The following UBE2L3 variants were observed in gnomAD, a reference collection of about 807,000 sequenced individuals.
UBE2L3 encodes ubiquitin conjugating enzyme E2 L3.
In UBE2L3, 1 loss-of-function variant was observed where a neutral mutation model predicts 17.8. The ratio of observed to expected loss-of-function variants is 0.06; its 90% confidence interval spans 0.02 to 0.27. The LOEUF (loss-of-function observed/expected upper bound fraction) is 0.27, where lower values mean the gene tolerates loss of function less well. Ranked by LOEUF, UBE2L3 falls within the 10% of genes least tolerant of loss-of-function variation. The probability of loss-of-function intolerance (pLI) is 1.00; values close to 1 mark genes in which losing one functional copy is unlikely to be tolerated. For missense variants in UBE2L3, 40 were observed against 192.6 expected (o/e 0.21, Z 4.69); for synonymous variants, 44 against 68.5 (o/e 0.64, Z 1.76).
chr22:21,552,101 G>A (rs1373904119), intron 1 of UBE2L3, among the ~76,000 whole-genome samples: 1 of 149,664 alleles, frequency 6.7e-6, no homozygotes, highest in Non-Finnish European at 1.5e-5. Flanking sequence ...GCTTCAGTCT[G>A]GCTCCTCTTT....
chr22:21,566,898 C>T (rs1926658877), upstream of UBE2L3, among the ~76,000 whole-genome samples: 1 of 152,196 alleles, frequency 6.6e-6, no homozygotes, highest in Admixed American at 6.5e-5. Context: ...TGGCTCTGCT[C>T]CTAGCTGGCC....
chr22:21,595,842 A>G (rs909570730), intron 2 of UBE2L3, among the ~76,000 whole-genome samples: 1 of 151,922 alleles, frequency 6.6e-6, no homozygotes, highest in Non-Finnish European at 1.5e-5. Context: ...AACCTTCAGC[A>G]TACTTCCTCT....
chr22:21,558,313 C>T (rs1926309575), intron 1 of UBE2L3, among the ~76,000 whole-genome samples: 1 of 152,188 alleles, frequency 6.6e-6, no homozygotes, highest in Admixed American at 6.5e-5. Context: ...CTTTTCATTC[C>T]ATATCCTTTA....
intron 2 of UBE2L3, among the ~76,000 whole-genome samples, chr22:21,597,318 A>AT (rs1432592443): frequency 1.3e-5 from 2 of 151,974 alleles, no homozygotes; most frequent in Non-Finnish European, 2.9e-5. Context: ...TTTAATTTTT[A>AT]TTTTTAGAGA....
At chr22:21,602,567 G>GA (rs1928923395) in intron 2 of UBE2L3, among the ~76,000 whole-genome samples, 1 of 152,230 alleles carries the variant, frequency 6.6e-6, no homozygotes, top group Non-Finnish European at 1.5e-5. Context: ...GTTGCCATGG[G>GA]AAAGGAAGAT....
At chr22:21,589,455 AT>A (rs1266267196) in intron 1 of UBE2L3, among the ~76,000 whole-genome samples, 1 of 152,146 alleles carries the variant, frequency 6.6e-6, no homozygotes, top group East Asian at 1.9e-4. Context: ...CATGATTGGC[AT>A]TTTGGGCTAA....
At chr22:21,582,851 A>C (rs1927720647) in intron 1 of UBE2L3, among the ~76,000 whole-genome samples, 1 of 152,142 alleles carries the variant, frequency 6.6e-6, no homozygotes, top group Non-Finnish European at 1.5e-5. Context: ...TAAGCAGAGC[A>C]GGGGTTGCAC....
intron 2 of UBE2L3, among the ~76,000 whole-genome samples, chr22:21,600,559 G>T (rs1928801108): frequency 2.0e-5 from 3 of 152,136 alleles, no homozygotes. Context: ...AGCCGGGCGT[G>T]GTGGCAGGCA....
chr22:21,590,515 C>T (rs1164920513), intron 1 of UBE2L3, among the ~76,000 whole-genome samples: 1 of 152,228 alleles, frequency 6.6e-6, no homozygotes, highest in Admixed American at 6.5e-5. Context: ...ATACTTTATA[C>T]TGTTGGAGTG....
At chr22:21,576,688 C>T in intron 1 of UBE2L3, among the ~76,000 whole-genome samples, 1 of 152,086 alleles carries the variant, frequency 6.6e-6, no homozygotes. Flanking sequence ...CCCACCTCGG[C>T]CTCCCAAAAT....
At chr22:21,565,973 T>G (rs891471408), upstream of UBE2L3, among the ~76,000 whole-genome samples, 3 of 139,188 alleles carry the variant, frequency 2.2e-5, no homozygotes, top group Non-Finnish European at 4.7e-5. Context: ...GAGTACTCCT[T>G]TTTTTTTTTT....
intron 1 of UBE2L3, among the ~76,000 whole-genome samples, chr22:21,562,096 C>T (rs1222888454): frequency 6.6e-6 from 1 of 152,012 alleles, no homozygotes. Flanking sequence ...GCCCCCACAC[C>T]TCATCAAACC....
intron 1 of UBE2L3, among the ~76,000 whole-genome samples, chr22:21,578,993 A>ATTTT: frequency 6.7e-6 from 1 of 148,416 alleles, no homozygotes; most frequent in African/African-American, 2.5e-5. Context: ...TTATTTATTT[A>ATTTT]TTTATTTATT....
intron 2 of UBE2L3, among the ~76,000 whole-genome samples, chr22:21,608,725 C>A (rs1449296728): frequency 6.7e-6 from 1 of 148,986 alleles, no homozygotes; most frequent in Non-Finnish European, 1.5e-5. Flanking sequence ...GAGCCTGGCC[C>A]AGGCTAATAT....
At chr22:21,556,162 T>G (rs1180770430) in intron 1 of UBE2L3, among the ~76,000 whole-genome samples, 1 of 152,198 alleles carries the variant, frequency 6.6e-6, no homozygotes, top group African/African-American at 2.4e-5. Context: ...GCCTGGGACG[T>G]CAAGACTGAA....
rs116215846 is a variant in UBE2L3, at chr22:21,568,347, G to C, written c.27+576G>C. On this transcript the variant is annotated intron_variant, in intron 1 of 3. Coordinates refer to ENST00000342192, the MANE Select transcript of UBE2L3 (RefSeq NM_003347.4). Reference sequence around the variant, plus strand: ...GAATTGCGCTGGGTCCTAGCAAACTGTCGCCTTGTGACTGCAGAGTCACAC... The same window carrying C: ...GAATTGCGCTGGGTCCTAGCAAACTCTCGCCTTGTGACTGCAGAGTCACAC... 2.5e-3 allele frequency: 2,474 copies of C among 985,272 alleles called. 54 individuals are homozygous for C. In the African/African-American group the frequency reaches 0.039, roughly 16 times the overall value. The allele number at this position is 985,272 out of a possible 1,614,324, so 61.0% of individuals were successfully genotyped here.
intron 1 of UBE2L3, among the ~76,000 whole-genome samples, chr22:21,558,086 C>T (rs1308960391): frequency 6.6e-6 from 1 of 150,990 alleles, no homozygotes; most frequent in Admixed American, 6.6e-5. Flanking sequence ...CTCTACAACC[C>T]CAGTCTATGA....
At chr22:21,558,979 A>G (rs1926337478) in intron 1 of UBE2L3, among the ~76,000 whole-genome samples, 1 of 151,834 alleles carries the variant, frequency 6.6e-6, no homozygotes, top group East Asian at 1.9e-4. Context: ...AATGAGCTGC[A>G]GACTGGGAGG....
intron 2 of UBE2L3, among the ~76,000 whole-genome samples, chr22:21,609,357 A>G (rs1447476116): frequency 1.3e-5 from 2 of 152,210 alleles, no homozygotes; most frequent in Non-Finnish European, 2.9e-5. Flanking sequence ...GATGTCCTTC[A>G]GTGGGTTAAT....
Sources: gnomAD v4.1 joint callset for allele counts (sites outside exome capture counted in the v4.1 genomes callset) on GRCh38, gnomAD v4.1.1 for gene constraint, MANE v1.5 for transcripts, NCBI Gene and HGNC (gene_info 2026-07-23, HGNC 2026-07-21) for gene names.